CCDC13: variants seen among roughly 807,000 people sequenced by gnomAD.
The protein encoded by CCDC13 is coiled-coil domain containing 13.
In CCDC13, 70 loss-of-function variants were observed where a neutral mutation model predicts 87.3. The ratio of observed to expected loss-of-function variants is 0.80; its 90% CI spans 0.66 to 0.98. The LOEUF is 0.98. Ranked by LOEUF, CCDC13 falls within the 50% of genes least tolerant of loss-of-function variation. CCDC13 has a pLI of 0.00. For synonymous variants in CCDC13, 317 were observed against 360.3 expected (o/e 0.88, Z 1.36); for missense variants, 842 against 892.0 (o/e 0.94, Z 0.71).
At chr3:42,742,578 A>G (rs926178178) in intron 8 of CCDC13, among the ~76,000 whole-genome samples, 1 of 152,102 alleles carries the variant, frequency 6.6e-6, no homozygotes. Context: ...AGCCCCATCT[A>G]ACCCTATCAT....
intron 4 of CCDC13, 102 bp from the exon 5 acceptor site, chr3:42,752,127 G>T (rs1699600054): frequency 2.0e-6 from 2 of 1,003,734 alleles, no homozygotes; most frequent in East Asian, 2.4e-5. Flanking sequence ...TCTTGGTGGT[G>T]TGTCCTTTTA....
intron 8 of CCDC13, 100 bp from the exon 9 acceptor site, chr3:42,739,910 G>C (rs1387658441): frequency 1.2e-5 from 14 of 1,152,184 alleles, no homozygotes; most frequent in Non-Finnish European, 2.5e-6. Context: ...GGGGCTGGGG[G>C]TGGGGGTGCT....
chr3:42,744,932 C>T (rs955008303), intron 7 of CCDC13: 5 of 152,110 alleles, frequency 3.3e-5, no homozygotes, highest in African/African-American at 1.2e-4. Context: ...TTATGTTACC[C>T]CATTTCACAG....
At chr3:42,748,218 T>G (rs1699473491) in intron 5 of CCDC13, among the ~76,000 whole-genome samples, 1 of 152,218 alleles carries the variant, frequency 6.6e-6, no homozygotes, top group Admixed American at 6.5e-5. Context: ...TCAGCCCATT[T>G]AAACCCCTTC....
chr3:42,726,563 A>G (rs1698693882), intron 13 of CCDC13, among the ~76,000 whole-genome samples: 2 of 152,310 alleles, frequency 1.3e-5, no homozygotes, highest in Admixed American at 1.3e-4. Flanking sequence ...AGGAAGAGGC[A>G]ATATATGGAC....
chr3:42,715,651 T>C (rs1276777793), intron 13 of CCDC13, among the ~76,000 whole-genome samples: 1 of 152,164 alleles, frequency 6.6e-6, no homozygotes, highest in Non-Finnish European at 1.5e-5. Flanking sequence ...AAAATTAAAT[T>C]AAAAATTCAT....
intron 1 of CCDC13, chr3:42,770,576 AAGCAGGCTGCCCCAGGC>A (rs1398612067): frequency 6.6e-6 from 1 of 152,206 alleles, no homozygotes; most frequent in Non-Finnish European, 1.5e-5. Flanking sequence ...AAGAGAATAA[AAGCAGGCTGCCCCAGGC>A]AGCAGTGGCA....
chr3:42,723,306 T>G (rs1030542353), intron 13 of CCDC13, among the ~76,000 whole-genome samples: 1 of 152,162 alleles, frequency 6.6e-6, no homozygotes, highest in African/African-American at 2.4e-5. Context: ...AGACTCAGAC[T>G]AAAAGGACTC....
intron 1 of CCDC13, among the ~76,000 whole-genome samples, chr3:42,772,520 CCTT>C (rs1471340230): frequency 6.6e-6 from 1 of 152,132 alleles, no homozygotes; most frequent in African/African-American, 2.4e-5. Flanking sequence ...CTTCCCCTCT[CCTT>C]CTCTTTCTTC....
chr3:42,754,489 C>T (rs998368775), intron 3 of CCDC13, among the ~76,000 whole-genome samples: 1 of 152,182 alleles, frequency 6.6e-6, no homozygotes, highest in Non-Finnish European at 1.5e-5. Context: ...CTGTGAAAAT[C>T]ATGAACTCTA....
intron 9 of CCDC13, among the ~76,000 whole-genome samples, chr3:42,737,827 T>C (rs1699080171): frequency 6.6e-6 from 1 of 152,196 alleles, no homozygotes; most frequent in Non-Finnish European, 1.5e-5. Context: ...GTCAGATGGG[T>C]AGATTGCAAA....
chr3:42,757,540 C>T (rs530130298), intron 2 of CCDC13, among the ~76,000 whole-genome samples: 10 of 152,064 alleles, frequency 6.6e-5, no homozygotes, highest in African/African-American at 2.2e-4. Flanking sequence ...AAAGAAAGAC[C>T]CTGTCTCTAA....
chr3:42,718,996 G>A (rs1259932522), intron 13 of CCDC13: 1 of 152,082 alleles, frequency 6.6e-6, no homozygotes, highest in African/African-American at 2.4e-5. Context: ...TTGGGTTAGA[G>A]GCCCAACTTA....
At chr3:42,750,488 G>A (rs540319915) in intron 5 of CCDC13, among the ~76,000 whole-genome samples, 1 of 152,256 alleles carries the variant, frequency 6.6e-6, no homozygotes, top group Non-Finnish European at 1.5e-5. Flanking sequence ...TTTGTTTTGA[G>A]ACACAGTCTC....
chr3:42,735,713 A>C lies in CCDC13; in HGVS notation c.1365T>G (p.Asn455Lys). Residue 455 changes from asparagine to lysine, a missense_variant, in exon 10 of 16, where the codon AAT becomes AAG. Asn to Lys is a moderately conservative substitution (Grantham distance 94). Coordinates refer to ENST00000310232, the MANE Select transcript of CCDC13 (RefSeq NM_144719.4). Reference sequence around the variant, plus strand: ...CTGCCAGTGCCCTACTCACGTGCACATTGAGTTGTCCGATCTCCATCTCCA... The same window carrying C: ...CTGCCAGTGCCCTACTCACGTGCACCTTGAGTTGTCCGATCTCCATCTCCA... The part of the protein sequence containing the change: ...RQLEMEIGQL[N>K]VHYLRNKGVG... 1 of 1,614,070 alleles carries C rather than the reference A, an allele frequency of 6.2e-7. No individual in the cohort carries two copies. Among genetic ancestry groups the C allele is most frequent in the Non-Finnish European group, 8.5e-7 (1 of 1,179,966 alleles).
At chr3:42,753,508 T>C (rs893325941) in intron 3 of CCDC13, among the ~76,000 whole-genome samples, 5 of 152,156 alleles carry the variant, frequency 3.3e-5, no homozygotes, top group South Asian at 4.1e-4. Flanking sequence ...TAAAAAAGAC[T>C]TATGGGGTTT....
Position 42,708,789 on chromosome 3 carries a change from C to T in CCDC13, c.*191G>A. ...CCCAGGGTCTCCTGCAGTGTCCCAC[C>T]AGGGCTTCTCTTCTGCCTTCCTGGC... On this transcript the variant is annotated 3_prime_UTR_variant, in exon 16 of 16. Coordinates refer to ENST00000310232, the MANE Select transcript of CCDC13 (RefSeq NM_144719.4). 3.6e-6 allele frequency: 2 copies of T among 559,912 alleles called. No homozygotes were observed. Among genetic ancestry groups the T allele is most frequent in the Non-Finnish European group, 6.0e-6 (2 of 335,184 alleles). 34.7% of individuals were successfully genotyped at this position (559,912 alleles called of 1,614,324 possible).
chr3:42,762,223 A>G (rs758363794), intron 1 of CCDC13, among the ~76,000 whole-genome samples: 11 of 152,234 alleles, frequency 7.2e-5, no homozygotes, highest in Non-Finnish European at 1.5e-4. Flanking sequence ...AGCTGGTGTT[A>G]TGTTGAAATT....
rs754217368 is a variant in CCDC13 at position 42,713,204 on chromosome 3, TC to T, written c.1830del (p.Lys611ArgfsTer50). The T allele has an allele frequency of 1.2e-5, 20 of 1,614,070 alleles. No individual in the cohort carries two copies. Among genetic ancestry groups the T allele is most frequent in the Non-Finnish European group, 2.5e-6 (3 of 1,180,020 alleles). Reference protein sequence around the residue: ...QHLEKIRLEPGKASASQRAAP... With the variant: ...QHLEKIRLEPXKASASQRAAP... ...GCTGCTCTCTGGGAGGCTGATGCCT[TC>T]CCTGGCTCCAGGCGTATCTTCTCCA... is the stretch of plus-strand genomic sequence containing the variant. On this transcript the variant is annotated frameshift_variant, in exon 14 of 16. Coordinates refer to ENST00000310232, the MANE Select transcript of CCDC13 (RefSeq NM_144719.4). LOFTEE classifies it high-confidence loss of function.
Sources: gnomAD v4.1 joint callset for allele counts (sites outside exome capture counted in the v4.1 genomes callset) on GRCh38, gnomAD v4.1.1 for gene constraint, MANE v1.5 for transcripts, NCBI Gene and HGNC (gene_info 2026-07-23, HGNC 2026-07-21) for gene names.